The following PPM1A variants were observed in gnomAD, a reference collection of about 807,000 sequenced individuals.
The protein encoded by PPM1A is protein phosphatase 1A.
A neutral mutation model predicts 35.0 loss-of-function variants in PPM1A; 7 were observed. The observed-to-expected ratio is 0.20, with a 90% CI of 0.11 to 0.38. The LOEUF (loss-of-function observed/expected upper bound fraction) is 0.38. Among genes scored for constraint, PPM1A ranks in the 10% least tolerant of loss-of-function variants. PPM1A has a pLI of 1.00. For missense variants in PPM1A, 239 were observed against 467.8 expected (o/e 0.51, Z 4.51); for synonymous variants, 153 against 167.3 (o/e 0.91, Z 0.66).
rs1467834886 is a variant in PPM1A, at chr14:60,287,356, A to G, written c.952+1615A>G. On this transcript the variant is annotated intron_variant, in intron 3 of 5. Transcript: ENST00000395076. ...GTTAAAGTGTTATTATACTTGTACC[A>G]TTCAATTGGAGATTGTCATAAATTA... is the stretch of plus-strand genomic sequence containing the variant. The G allele has an allele frequency of 5.1e-6, 5 of 982,266 alleles. No individual in the cohort carries two copies. In the African/African-American group the frequency reaches 8.8e-5, roughly 17 times the overall value. 60.8% of individuals were successfully genotyped at this position (982,266 alleles called of 1,614,324 possible).
At chr14:60,284,798 G>C (rs1292229273) in intron 2 of PPM1A, among the ~76,000 whole-genome samples, 1 of 150,990 alleles carries the variant, frequency 6.6e-6, no homozygotes, top group Non-Finnish European at 1.5e-5. Flanking sequence ...TAAATGACGT[G>C]TACAGGGTTT....
At position 60,292,761 on chromosome 14, in the gene PPM1A, TAA is replaced by T; in HGVS notation, c.*281_*282del. On this transcript the variant is annotated 3_prime_UTR_variant, in exon 6 of 6. Coordinates refer to ENST00000395076, the MANE Select transcript of PPM1A (RefSeq NM_021003.5). The surrounding 1 kb of genome is among the most constrained non-coding windows in gnomAD (Gnocchi z 4.2). ...TTTGTTGTATGATTTTGTTTTTTTG[TAA>T]AGTGTAATTGTCCTTGTACAAAATG... 3.0e-6 allele frequency: 1 copy of T among 328,192 alleles called. No homozygotes were observed. The highest frequency in any genetic ancestry group is 5.6e-6 in the Non-Finnish European group (1 of 179,156). The allele number at this position is 328,192 out of a possible 1,614,324, so 20.3% of individuals were successfully genotyped here.
intron 3 of PPM1A, chr14:60,286,560 G>T (rs1444671975): frequency 3.1e-5 from 31 of 985,158 alleles, no homozygotes; most frequent in Non-Finnish European, 3.5e-5. Context: ...GCGTTAAAAT[G>T]CATTTTAGGC....
intron 2 of PPM1A, among the ~76,000 whole-genome samples, chr14:60,285,142 G>A (rs1284228909): frequency 1.3e-5 from 2 of 152,036 alleles, no homozygotes; most frequent in African/African-American, 4.8e-5. Flanking sequence ...TGAAGCGAAT[G>A]TATTAGCCCC....
chr14:60,292,630 A>G lies in PPM1A; in HGVS notation c.*148A>G, dbSNP rs1024099038. ...TTACATCAGAGAACTTCAGCAGTAC[A>G]ACAGCTAGCCCAGAACTGATTTTTT... On this transcript the variant is annotated 3_prime_UTR_variant, in exon 6 of 6. Transcript: ENST00000395076. This position sits in a 1 kb window ranked among gnomAD's most constrained non-coding sequence, Gnocchi z 4.2. 3.8e-6 allele frequency: 2 copies of G among 526,482 alleles called. No individual in the cohort carries two copies. The highest frequency in any genetic ancestry group is 6.4e-6 in the Non-Finnish European group (2 of 312,564). 32.6% of individuals were successfully genotyped at this position (526,482 alleles called of 1,614,324 possible).
intron 1 of PPM1A, among the ~76,000 whole-genome samples, chr14:60,254,647 C>A (rs1005793297): frequency 2.0e-5 from 3 of 152,150 alleles, no homozygotes; most frequent in Non-Finnish European, 4.4e-5. Context: ...TAGGTTAAGT[C>A]TGAAAAATTG....
intron 1 of PPM1A, among the ~76,000 whole-genome samples, chr14:60,271,551 G>T (rs1418546973): frequency 6.6e-6 from 1 of 152,162 alleles, no homozygotes; most frequent in African/African-American, 2.4e-5. Context: ...CTGATGCCAT[G>T]GTGGAAAAGT....
intron 1 of PPM1A, among the ~76,000 whole-genome samples, chr14:60,261,988 T>A (rs775646943): frequency 2.6e-5 from 4 of 152,222 alleles, no homozygotes; most frequent in Non-Finnish European, 5.9e-5. Flanking sequence ...TATTTTAAAT[T>A]CTGTATTCAG....
intron 1 of PPM1A, among the ~76,000 whole-genome samples, chr14:60,258,129 C>A (rs1316081196): frequency 6.6e-6 from 1 of 152,022 alleles, no homozygotes; most frequent in Non-Finnish European, 1.5e-5. Flanking sequence ...GGTGTTTCAA[C>A]TAGTCAGCCA....
intron 4 of PPM1A, 97 bp downstream of exon 4, chr14:60,290,011 A>T (rs948151032): frequency 3.0e-5 from 24 of 797,472 alleles, no homozygotes; most frequent in Non-Finnish European, 4.2e-5. Flanking sequence ...TTCTGAACTG[A>T]TGCAGTTATC....
chr14:60,274,441 G>A (rs1885511758), intron 1 of PPM1A, among the ~76,000 whole-genome samples: 1 of 151,934 alleles, frequency 6.6e-6, no homozygotes, highest in African/African-American at 2.4e-5. Flanking sequence ...TTTTTAATGG[G>A]TAACATGGGT....
In PPM1A at chr14:60,292,191, T is replaced by G. The variant is rs1339720049; in HGVS notation, c.1120-262T>G. ...AATTCTTTTTAGTAGATTTATTGATTGAGTAATACATTTGGACAGCCTCAT... is the reference window on the plus strand; with the variant it reads ...AATTCTTTTTAGTAGATTTATTGATGGAGTAATACATTTGGACAGCCTCAT... On this transcript the variant is annotated intron_variant, in intron 5 of 5. Transcript: ENST00000395076. This position sits in a 1 kb window ranked among gnomAD's most constrained non-coding sequence, Gnocchi z 4.2. Among the ~76,000 whole-genome samples, 4 of 152,252 alleles carry G rather than the reference T, an allele frequency of 2.6e-5. No individual in the cohort carries two copies. The highest frequency in any genetic ancestry group is 5.9e-5 in the Non-Finnish European group (4 of 67,988).
Position 60,280,353 on chromosome 14 carries a change from G to A in PPM1A, c.-20-2331G>A, listed in dbSNP as rs530217573. ...ACAGATGGAGAAAGAGATTCGGAAA[G>A]GTTCAGTAGTCACACTATTACTAAG... On this transcript the variant is annotated intron_variant, in intron 1 of 5. Coordinates refer to ENST00000395076, the MANE Select transcript of PPM1A (RefSeq NM_021003.5). Among the ~76,000 whole-genome samples the A allele has an allele frequency of 2.6e-5, 4 of 152,264 alleles. No individual in the cohort carries two copies. The East Asian group carries it at 7.7e-4, about 29-fold the overall frequency.
chr14:60,260,141 C>T (rs1321276369), intron 1 of PPM1A, among the ~76,000 whole-genome samples: 2 of 151,880 alleles, frequency 1.3e-5, no homozygotes, highest in Non-Finnish European at 2.9e-5. Flanking sequence ...TGGTCTTTAG[C>T]GTAGAAGAGC....
At position 60,296,831 on chromosome 14, in the gene PPM1A, A is replaced by T. The variant is rs1050521104; in HGVS notation, c.*4349A>T. The T allele has an allele frequency of 1.3e-5, 4 of 317,618 alleles. No homozygotes were observed. Among genetic ancestry groups the T allele is most frequent in the South Asian group, 2.9e-4 (2 of 6,802 alleles). The allele number at this position is 317,618 out of a possible 1,614,324, so 19.7% of individuals were successfully genotyped here. A position where few individuals can be genotyped will look rare whatever the true frequency, so the allele number is the denominator to read the frequency against. On this transcript the variant is annotated 3_prime_UTR_variant, in exon 6 of 6. Transcript: ENST00000395076. This position sits in a 1 kb window ranked among gnomAD's most constrained non-coding sequence, Gnocchi z 4.4. Reference sequence around the variant, plus strand: ...GAAATGATGAGAGGCATTGGTTCCAATTCATTGTCAAATGAACGTTTTCTA... The same window carrying T: ...GAAATGATGAGAGGCATTGGTTCCATTTCATTGTCAAATGAACGTTTTCTA...
rs1886662506 is a variant in PPM1A at position 60,283,911 on chromosome 14, C to T, written c.834+374C>T. Among the ~76,000 whole-genome samples, 1 of 152,138 alleles carries T rather than the reference C, an allele frequency of 6.6e-6. No individual in the cohort carries two copies. Among genetic ancestry groups the T allele is most frequent in the South Asian group, 2.1e-4 (1 of 4,826 alleles). On this transcript the variant is annotated intron_variant, in intron 2 of 5. Transcript: ENST00000395076. The surrounding 1 kb of genome is among the most constrained non-coding windows in gnomAD (Gnocchi z 6.3). ...TTTAATATTTGACCATGTGATATCT[C>T]AGTACATTTATGATATCCTAATCCT...
chr14:60,291,554 C>A, intron 5 of PPM1A, 100 bp downstream of exon 5: 1 of 861,752 alleles, frequency 1.2e-6, no homozygotes, highest in South Asian at 2.3e-5. Context: ...TACCCATTCT[C>A]TTACACACAC....
Position 60,291,421 on chromosome 14 carries a change from C to T in PPM1A, c.1086C>T (p.Tyr362=), listed in dbSNP as rs1489953174. The T allele has an allele frequency of 3.8e-6, 6 of 1,577,420 alleles. No individual in the cohort carries two copies. The South Asian group carries it at 5.8e-5, about 15-fold the overall frequency. Residue 362 remains tyrosine, a synonymous_variant, in exon 5 of 6, where the codon TAC becomes TAT. Transcript: ENST00000395076. ...GGAGGAATGTTATTGAAGCCGTTTA[C>T]AATAGACTGAATCCTTACAAAAATG... ...ASKRNVIEAV[Y]NRLNPYKNDD...
At chr14:60,275,203 C>T (rs546236525) in intron 1 of PPM1A, among the ~76,000 whole-genome samples, 3 of 150,214 alleles carry the variant, frequency 2.0e-5, no homozygotes, top group African/African-American at 7.4e-5. Context: ...TCTTCCTTAT[C>T]TTGTATGTTG....
Sources: gnomAD v4.1 joint callset for allele counts (sites outside exome capture counted in the v4.1 genomes callset) on GRCh38, gnomAD v4.1.1 for gene constraint, Gnocchi (gnomAD v3.1) non-coding constraint, MANE v1.5 for transcripts, NCBI Gene and HGNC (gene_info 2026-07-23, HGNC 2026-07-21) for gene names.